Variants in GRM1 observed in about 807,000 individuals in gnomAD.
The protein encoded by GRM1 is glutamate metabotropic receptor 1.
Under a neutral mutation model 90.9 loss-of-function variants are expected in GRM1, and 33 were observed. The ratio of observed to expected loss-of-function variants is 0.36; its 90% CI spans 0.28 to 0.49. The LOEUF (loss-of-function observed/expected upper bound fraction) is 0.49, where lower values mean the gene tolerates loss of function less well. Among genes scored for constraint, GRM1 ranks in the 20% least tolerant of loss-of-function variants. The pLI, the probability that GRM1 is intolerant of heterozygous loss-of-function variation, is 0.99. For missense variants in GRM1, 1,190 were observed against 1,534.3 expected (o/e 0.78, Z 3.75); for synonymous variants, 700 against 613.2 (o/e 1.14, Z -2.09).
intron 2 of GRM1, among the ~76,000 whole-genome samples, chr6:146,202,298 C>A (rs953044288): frequency 6.6e-6 from 1 of 152,072 alleles, no homozygotes; most frequent in South Asian, 2.1e-4. Flanking sequence ...TGGGATCTGT[C>A]GGGTTTGAAG....
At chr6:146,324,982 CT>C (rs1784353287) in intron 3 of GRM1, among the ~76,000 whole-genome samples, 1 of 152,142 alleles carries the variant, frequency 6.6e-6, no homozygotes, top group African/African-American at 2.4e-5. Flanking sequence ...AAATTTCCTC[CT>C]TCTCTATCAA....
At chr6:146,264,525 T>G (rs1781809334) in intron 2 of GRM1, among the ~76,000 whole-genome samples, 1 of 147,994 alleles carries the variant, frequency 6.8e-6, no homozygotes, top group Non-Finnish European at 1.5e-5. Flanking sequence ...TTTGTTTTTG[T>G]TTTTTTTTTA....
intron 2 of GRM1, among the ~76,000 whole-genome samples, chr6:146,225,468 G>A (rs6941146): frequency 0.23 from 34,236 of 151,992 alleles, 8,028 homozygotes; most frequent in African/African-American, 0.6. Context: ...GAAAAGGATA[G>A]CAAAACTGGT....
At chr6:146,298,237 C>T (rs1284233533) in intron 2 of GRM1, among the ~76,000 whole-genome samples, 1 of 152,186 alleles carries the variant, frequency 6.6e-6, no homozygotes, top group South Asian at 2.1e-4. Flanking sequence ...GGCTGAGGGT[C>T]AGACTATCTA....
At chr6:146,139,904 T>TCCCTC (rs1776776488) in intron 1 of GRM1, among the ~76,000 whole-genome samples, 1 of 110,508 alleles carries the variant, frequency 9.0e-6, no homozygotes, top group African/African-American at 3.8e-5. Flanking sequence ...TCCCTTCCCT[T>TCCCTC]CCCTTCCCTT....
intron 1 of GRM1, 44 bp from the exon 2 acceptor site, chr6:146,159,304 A>G: frequency 6.2e-7 from 1 of 1,612,486 alleles, no homozygotes; most frequent in Non-Finnish European, 8.5e-7. Context: ...AAGTAGTGTT[A>G]TTGCCACAGT....
intron 1 of GRM1, 51 bp downstream of exon 1, chr6:146,030,268 A>C: frequency 8.5e-7 from 1 of 1,181,584 alleles, no homozygotes. Context: ...AGGGCAATGC[A>C]TGATGTGCTC....
At chr6:146,147,125 C>T (rs1181955441) in intron 1 of GRM1, among the ~76,000 whole-genome samples, 2 of 152,210 alleles carry the variant, frequency 1.3e-5, no homozygotes, top group Non-Finnish European at 2.9e-5. Context: ...GCTACAAGGG[C>T]ATCTGGGCAG....
intron 1 of GRM1, among the ~76,000 whole-genome samples, chr6:146,143,035 C>T (rs1776947301): frequency 1.3e-5 from 2 of 152,146 alleles, no homozygotes; most frequent in African/African-American, 4.8e-5. Context: ...TCAGTCTCCC[C>T]CAAGGCCCAT....
chr6:146,420,825 G>T (rs1310032095), intron 7 of GRM1, among the ~76,000 whole-genome samples: 1 of 152,152 alleles, frequency 6.6e-6, no homozygotes, highest in Non-Finnish European at 1.5e-5. Context: ...AAAGTTCTTT[G>T]TTAGAAGGGA....
At chr6:146,232,287 C>G (rs189404761) in intron 2 of GRM1, among the ~76,000 whole-genome samples, 103 of 152,208 alleles carry the variant, frequency 6.8e-4, no homozygotes, top group Admixed American at 2.6e-3. Context: ...GGCCTCTCTT[C>G]TTGGCTTGTA....
intron 7 of GRM1, among the ~76,000 whole-genome samples, chr6:146,415,765 A>C (rs1489489036): frequency 6.6e-6 from 1 of 152,214 alleles, no homozygotes; most frequent in Non-Finnish European, 1.5e-5. Context: ...ATGCCCATTA[A>C]TAGGGTTGAA....
At chr6:146,278,468 G>C (rs1259692488) in intron 2 of GRM1, among the ~76,000 whole-genome samples, 2 of 152,118 alleles carry the variant, frequency 1.3e-5, no homozygotes, top group Non-Finnish European at 2.9e-5. Context: ...AGAGTAAGCT[G>C]CTTGTACATC....
chr6:146,289,023 A>G (rs900547127), intron 2 of GRM1, among the ~76,000 whole-genome samples: 1 of 152,054 alleles, frequency 6.6e-6, no homozygotes, highest in Non-Finnish European at 1.5e-5. Context: ...AGTGCCTAAT[A>G]CTTGATATTG....
At chr6:146,214,534 C>T (rs1003556317) in intron 2 of GRM1, among the ~76,000 whole-genome samples, 3 of 151,838 alleles carry the variant, frequency 2.0e-5, no homozygotes, top group African/African-American at 7.3e-5. Flanking sequence ...CAGGTGGGAG[C>T]TATTACAAAG....
intron 1 of GRM1, among the ~76,000 whole-genome samples, chr6:146,058,154 C>T (rs1775543969): frequency 1.3e-5 from 2 of 151,986 alleles, no homozygotes; most frequent in African/African-American, 4.8e-5. Context: ...AACGAGCTGT[C>T]ATCTTCTTTT....
intron 1 of GRM1, among the ~76,000 whole-genome samples, chr6:146,037,646 GCT>G (rs1411283835): frequency 1.3e-5 from 2 of 151,846 alleles, no homozygotes; most frequent in East Asian, 3.9e-4. Context: ...CTTAATGTCA[GCT>G]CTTACCTTAG....
intron 1 of GRM1, among the ~76,000 whole-genome samples, chr6:146,146,148 G>A (rs1361943540): frequency 1.7e-5 from 1 of 59,008 alleles, no homozygotes; most frequent in African/African-American, 5.2e-5. Flanking sequence ...TTGAGACGTG[G>A]CGCCATCTCG....
At chr6:146,268,773 T>G (rs1416657905) in intron 2 of GRM1, among the ~76,000 whole-genome samples, 1 of 152,190 alleles carries the variant, frequency 6.6e-6, no homozygotes, top group Non-Finnish European at 1.5e-5. Flanking sequence ...GCTCTAAAAT[T>G]TTTATAGAAC....
Sources: gnomAD v4.1 joint callset for allele counts (sites outside exome capture counted in the v4.1 genomes callset) on GRCh38, gnomAD v4.1.1 for gene constraint, MANE v1.5 for transcripts, NCBI Gene and HGNC (gene_info 2026-07-23, HGNC 2026-07-21) for gene names.